Variants in NFATC1 observed in about 807,000 individuals in gnomAD.
The protein encoded by NFATC1 is nuclear factor of activated T-cells, cytoplasmic 1.
Under a neutral mutation model 76.0 loss-of-function variants are expected in NFATC1, and 22 were observed. That is an observed-to-expected ratio of 0.29 (90% CI 0.21 to 0.41). The LOEUF (loss-of-function observed/expected upper bound fraction) is 0.41, where lower values mean the gene tolerates loss of function less well. Among genes scored for constraint, NFATC1 ranks in the 10% least tolerant of loss-of-function variants. NFATC1 has a pLI of 1.00. For synonymous variants in NFATC1, 704 were observed against 613.1 expected (o/e 1.15, Z -2.19); for missense variants, 1,357 against 1,337.7 (o/e 1.01, Z -0.23).
Position 79,396,267 on chromosome 18 carries a change from G to C in NFATC1, c.43G>C (p.Gly15Arg). ...SFPVPSKFPL[G>R]PAAAVFGRGE... is the part of the protein sequence containing the mutation. Reference sequence around the variant, plus strand: ...TCCAGTCCCTTCCAAGTTTCCACTTGGCCCTGCGGCTGCGGTCTTCGGGAG... The same window carrying C: ...TCCAGTCCCTTCCAAGTTTCCACTTCGCCCTGCGGCTGCGGTCTTCGGGAG... The change falls in exon 1 of 10, where the codon GGC becomes CGC. Residue 15 changes from glycine (G) to arginine (R), a missense_variant. This residue lies in a region of NFATC1 where 691 missense variants were observed against 613.1 expected (regional missense o/e 1.13). Coordinates refer to ENST00000427363, the MANE Select transcript of NFATC1 (RefSeq NM_001278669.2). 1 of 1,482,632 alleles carries C rather than the reference G, an allele frequency of 6.7e-7. No homozygotes were observed. The highest frequency in any genetic ancestry group is 9.0e-7 in the Non-Finnish European group (1 of 1,108,030). The allele number at this position is 1,482,632 out of a possible 1,614,324, so 91.8% of individuals were successfully genotyped here.
At chr18:79,444,127 C>A (rs182511832) in intron 3 of NFATC1, among the ~76,000 whole-genome samples, 19 of 152,176 alleles carry the variant, frequency 1.2e-4, no homozygotes, top group Non-Finnish European at 2.5e-4. Context: ...GAGAAAAAAA[C>A]TTTTTTCTAG....
At chr18:79,400,605 G>A (rs957946677) in intron 1 of NFATC1, 17 of 789,288 alleles carry the variant, frequency 2.2e-5, no homozygotes, top group Non-Finnish European at 2.8e-5. Flanking sequence ...CGGGACCGAG[G>A]GGCTACGGCG....
intron 9 of NFATC1, among the ~76,000 whole-genome samples, chr18:79,508,827 C>T (rs1600960102): frequency 1.3e-5 from 2 of 152,104 alleles, no homozygotes; most frequent in Non-Finnish European, 2.9e-5. Context: ...CCATCTCCCT[C>T]CGTGTGTCTC....
In NFATC1 at chr18:79,476,866, C is replaced by T. The variant is rs143730744; in HGVS notation, c.2092+9284C>T. Among the ~76,000 whole-genome samples the T allele has an allele frequency of 5.5e-3, 834 of 152,294 alleles. 10 individuals carry two copies. Among genetic ancestry groups the T allele is most frequent in the African/African-American group, 0.019 (773 of 41,558 alleles). Reference sequence around the variant, plus strand: ...GGAATACTCACCAGACTCACGTGGTCGTGACTCCGGAAGATCATGCCTTCC... The same window carrying T: ...GGAATACTCACCAGACTCACGTGGTTGTGACTCCGGAAGATCATGCCTTCC... On this transcript the variant is annotated intron_variant, in intron 8 of 9. Coordinates refer to ENST00000427363, the MANE Select transcript of NFATC1 (RefSeq NM_001278669.2).
chr18:79,513,448 C>A (rs1222579380), intron 9 of NFATC1, among the ~76,000 whole-genome samples: 1 of 152,276 alleles, frequency 6.6e-6, no homozygotes, highest in East Asian at 1.9e-4. Context: ...CCCGAGGCTT[C>A]TGAGGACTCT....
chr18:79,446,618 G>A (rs967772477), intron 3 of NFATC1, among the ~76,000 whole-genome samples: 2 of 152,148 alleles, frequency 1.3e-5, no homozygotes, highest in African/African-American at 2.4e-5. Context: ...TCTCTCTTCC[G>A]AGGAGCTGAG....
At chr18:79,510,208 G>C (rs549668286) in intron 9 of NFATC1, among the ~76,000 whole-genome samples, 2 of 152,198 alleles carry the variant, frequency 1.3e-5, no homozygotes, top group African/African-American at 4.8e-5. Flanking sequence ...GATGGGAGCC[G>C]CAGCCGTGGT....
chr18:79,506,757 G>A (rs1660143), intron 9 of NFATC1, among the ~76,000 whole-genome samples: 83,004 of 152,026 alleles, frequency 0.55, 26,107 homozygotes, highest in Non-Finnish European at 0.71. Flanking sequence ...AAACACAGAC[G>A]GGAGCATGAA....
At chr18:79,444,523 G>T (rs915218064) in intron 3 of NFATC1, among the ~76,000 whole-genome samples, 5 of 151,806 alleles carry the variant, frequency 3.3e-5, no homozygotes, top group African/African-American at 1.2e-4. Context: ...GGCCCCTCAG[G>T]CCCTTTCCCG....
intron 8 of NFATC1, among the ~76,000 whole-genome samples, chr18:79,474,248 G>A (rs140139848): frequency 0.085 from 4,467 of 52,532 alleles, 1,076 homozygotes; most frequent in African/African-American, 0.35. Context: ...GCGTGTTCTC[G>A]CGCTCACTGT....
Position 79,524,877 on chromosome 18 carries a change from G to A in NFATC1, c.2783-2651G>A, listed in dbSNP as rs1032969096. 4.6e-5 allele frequency among the ~76,000 whole-genome samples: 7 copies of A among 151,922 alleles called. No homozygotes were observed. The highest frequency in any genetic ancestry group is 1.9e-4 in the East Asian group (1 of 5,158). ...CTCAGCGACGCGCCCTCCTGTGCCCGCGGGGAACAAGACGGCTCTCGGCGG... is the reference window on the plus strand; with the variant it reads ...CTCAGCGACGCGCCCTCCTGTGCCCACGGGGAACAAGACGGCTCTCGGCGG... On this transcript the variant is annotated intron_variant, in intron 9 of 9. Coordinates refer to ENST00000427363, the MANE Select transcript of NFATC1 (RefSeq NM_001278669.2). This position sits in a 1 kb window ranked among gnomAD's most constrained non-coding sequence, Gnocchi z 7.2.
chr18:79,463,303 G>C (rs776104262), intron 7 of NFATC1, among the ~76,000 whole-genome samples: 1 of 152,250 alleles, frequency 6.6e-6, no homozygotes, highest in Non-Finnish European at 1.5e-5. Flanking sequence ...GCAGGCCAGT[G>C]TTCAGAGGAA....
chr18:79,427,666 TGTGGTGTGGGG>T (rs1222204093), intron 2 of NFATC1, among the ~76,000 whole-genome samples: 6 of 61,130 alleles, frequency 9.8e-5, no homozygotes, highest in African/African-American at 8.5e-5. Context: ...CTGGCCTCTG[TGTGGTGTGGGG>T]GCTGGATGGC....
intron 3 of NFATC1, among the ~76,000 whole-genome samples, chr18:79,435,646 G>C (rs1409186512): frequency 6.6e-6 from 1 of 152,216 alleles, no homozygotes; most frequent in African/African-American, 2.4e-5. Context: ...TGCCATCTGG[G>C]TGTCTTGGGC....
At chr18:79,400,268 CGGGGCGGGGACGG>C (rs1440448056) in intron 1 of NFATC1, 1 of 968,806 alleles carries the variant, frequency 1.0e-6, no homozygotes. Flanking sequence ...GGGGCGGGGG[CGGGGCGGGGACGG>C]GGGGAGGGGC....
intron 2 of NFATC1, among the ~76,000 whole-genome samples, chr18:79,433,129 C>T (rs1222887534): frequency 6.6e-6 from 1 of 152,212 alleles, no homozygotes; most frequent in East Asian, 1.9e-4. Context: ...CTGCGCACAT[C>T]ACAACTTCCA....
chr18:79,471,381 T>G (rs1025960566), intron 8 of NFATC1, among the ~76,000 whole-genome samples: 1 of 152,112 alleles, frequency 6.6e-6, no homozygotes, highest in African/African-American at 2.4e-5. Context: ...ATCTGTCTCG[T>G]GGGGGGCTGC....
intron 9 of NFATC1, among the ~76,000 whole-genome samples, chr18:79,520,845 GTGTCTGTGTATGTGT>G: frequency 2.4e-5 from 1 of 42,514 alleles, no homozygotes; most frequent in African/African-American, 8.9e-5. Flanking sequence ...ACTGATGTGT[GTGTCTGTGTATGTGT>G]GGGGGGGGCA....
chr18:79,528,867 C>T lies in NFATC1; in HGVS notation c.*1290C>T, dbSNP rs983912783. The stretch of plus-strand genomic sequence containing the variant: ...GCTTATTACGTATGATTACTCACAG[C>T]GATCTATTGTTCCATATAACCAAAA... On this transcript the variant is annotated 3_prime_UTR_variant, in exon 10 of 10. Coordinates refer to ENST00000427363, the MANE Select transcript of NFATC1 (RefSeq NM_001278669.2). 4 of 152,570 alleles carry T rather than the reference C, an allele frequency of 2.6e-5. No individual in the cohort carries two copies. The highest frequency in any genetic ancestry group is 5.9e-5 in the Non-Finnish European group (4 of 68,036). The allele number at this position is 152,570 out of a possible 1,614,324, so 9.5% of individuals were successfully genotyped here.
Sources: gnomAD v4.1 joint callset for allele counts (sites outside exome capture counted in the v4.1 genomes callset) on GRCh38, gnomAD v4.1.1 for gene constraint, gnomAD v4.1.1 regional missense constraint, Gnocchi (gnomAD v3.1) non-coding constraint, MANE v1.5 for transcripts, NCBI Gene and HGNC (gene_info 2026-07-23, HGNC 2026-07-21) for gene names.